The following SLC8A2 variants were observed in gnomAD, a reference collection of about 807,000 sequenced individuals.
SLC8A2 encodes solute carrier family 8 member A2.
Under a neutral mutation model 70.2 loss-of-function variants are expected in SLC8A2, and 14 were observed. The observed-to-expected ratio is 0.20, with a 90% confidence interval of 0.13 to 0.31. The LOEUF (loss-of-function observed/expected upper bound fraction) is 0.31, where lower values mean the gene tolerates loss of function less well. Ranked by LOEUF, SLC8A2 falls within the 10% of genes least tolerant of loss-of-function variation. SLC8A2 has a pLI of 1.00. For missense variants in SLC8A2, 779 were observed against 1,320.1 expected (o/e 0.59, Z 6.35); for synonymous variants, 575 against 594.3 (o/e 0.97, Z 0.47).
At chr19:47,467,994 A>G (rs2122655849) in intron 1 of SLC8A2, among the ~76,000 whole-genome samples, 1 of 152,140 alleles carries the variant, frequency 6.6e-6, no homozygotes, top group Middle Eastern at 3.4e-3. Context: ...CGACAAAACC[A>G]GACTCTGCCT....
At chr19:47,458,829 T>TCC (rs1455977179) in intron 2 of SLC8A2, among the ~76,000 whole-genome samples, 1 of 150,506 alleles carries the variant, frequency 6.6e-6, no homozygotes, top group Non-Finnish European at 1.5e-5. Context: ...TTTCTCTCTC[T>TCC]CCTTTCCCTT....
intron 1 of SLC8A2, among the ~76,000 whole-genome samples, chr19:47,470,713 T>C (rs1967525497): frequency 6.6e-6 from 1 of 152,206 alleles, no homozygotes; most frequent in African/African-American, 2.4e-5. Flanking sequence ...CTGGTCCAGT[T>C]ACACGAGGAA....
chr19:47,437,134 T>C (rs1967039748), intron 8 of SLC8A2, among the ~76,000 whole-genome samples: 1 of 152,158 alleles, frequency 6.6e-6, no homozygotes, highest in Non-Finnish European at 1.5e-5. Context: ...CACCGTTCAT[T>C]CTGTCTCATG....
chr19:47,466,101 C>G lies in SLC8A2; in HGVS notation c.303G>C (p.Thr101=). The change falls in exon 2 of 10, where the codon ACG becomes ACC. Residue 101 remains threonine, a synonymous_variant. Transcript: ENST00000236877. The surrounding 1 kb of genome is among the most constrained non-coding windows in gnomAD (Gnocchi z 6.9). ...TGATGGTGATCTCCTTCTCTTTTGACGTGATGACCTCGATGGCCGCCATGA... is the reference window on the plus strand; with the variant it reads ...TGATGGTGATCTCCTTCTCTTTTGAGGTGATGACCTCGATGGCCGCCATGA... ...DRFMAAIEVI[T]SKEKEITITK... is the part of the protein sequence containing the mutation. 1 of 1,614,212 alleles carries G rather than the reference C, an allele frequency of 6.2e-7. No homozygotes were observed. Among genetic ancestry groups the G allele is most frequent in the Non-Finnish European group, 8.5e-7 (1 of 1,180,038 alleles).
In SLC8A2 at chr19:47,447,799, G is replaced by T; in HGVS notation, c.1763+10C>A. ...CCCGCCCCTCTCCGGGCCGCCTCGGGCGTGCTCACATGGTCTCGTCGTCGC... is the reference window on the plus strand; with the variant it reads ...CCCGCCCCTCTCCGGGCCGCCTCGGTCGTGCTCACATGGTCTCGTCGTCGC... On this transcript the variant is annotated intron_variant, in intron 4 of 9. Coordinates refer to ENST00000236877, the MANE Select transcript of SLC8A2 (RefSeq NM_015063.3). The surrounding 1 kb of genome is among the most constrained non-coding windows in gnomAD (Gnocchi z 5.1). 1.3e-6 allele frequency: 2 copies of T among 1,579,458 alleles called. No homozygotes were observed. Among genetic ancestry groups the T allele is most frequent in the Non-Finnish European group, 1.7e-6 (2 of 1,172,286 alleles).
chr19:47,457,543 C>A lies in SLC8A2; in HGVS notation c.727G>T (p.Ala243Ser). The change falls in exon 3 of 10, where the codon GCC (alanine) becomes TCC (serine). Residue 243 changes from alanine to serine, a missense_variant. Around this residue, in one of 6 missense-constraint regions of SLC8A2, gnomAD observed 155 missense variants for 318.6 expected, o/e 0.49. Coordinates refer to ENST00000236877, the MANE Select transcript of SLC8A2 (RefSeq NM_015063.3). ...LVFFPVCVVF[A>S]WMADKRLLFY... ...AGCAGCCGCTTGTCGGCCATCCAGG[C>A]GAATACCACGCACACCGGGAAGAAG... 1 of 1,599,242 alleles carries A rather than the reference C, an allele frequency of 6.3e-7. No homozygotes were observed. Among genetic ancestry groups the A allele is most frequent in the Non-Finnish European group, 8.5e-7 (1 of 1,173,966 alleles).
intron 3 of SLC8A2, among the ~76,000 whole-genome samples, chr19:47,450,886 T>A (rs996948986): frequency 2.0e-5 from 3 of 152,172 alleles, no homozygotes; most frequent in African/African-American, 7.2e-5. Flanking sequence ...AGAGGCACAG[T>A]TAGCTAGTGA....
At position 47,457,126 on chromosome 19, in the gene SLC8A2, C is replaced by T. The variant is rs1967315678; in HGVS notation, c.1144G>A (p.Ala382Thr). ...TCTTCGTCCTCGCCCGCGCCCTCGG[C>T]CGGCGCCGCCCTGCGCGAGGCGTCC... The part of the protein sequence containing the change: ...AADASRRAAP[A>T]EGAGEDEDDG... Residue 382 changes from alanine (A) to threonine (T), a missense_variant, in exon 3 of 10, where the codon GCC (alanine) becomes ACC (threonine). Coordinates refer to ENST00000236877, the MANE Select transcript of SLC8A2 (RefSeq NM_015063.3). 1 of 1,542,954 alleles carries T rather than the reference C, an allele frequency of 6.5e-7. No individual in the cohort carries two copies. The highest frequency in any genetic ancestry group is 1.2e-5 in the South Asian group (1 of 83,398).
intron 1 of SLC8A2, among the ~76,000 whole-genome samples, chr19:47,470,641 G>A (rs1416139943): frequency 1.3e-5 from 2 of 152,162 alleles, no homozygotes; most frequent in Non-Finnish European, 2.9e-5. Context: ...TTATCAACAA[G>A]AATGAATGAA....
rs1967447384 is a variant in SLC8A2 at position 47,465,629 on chromosome 19, A to C, written c.675+100T>G. 1 of 1,049,110 alleles carries C rather than the reference A, an allele frequency of 9.5e-7. No homozygotes were observed. Among genetic ancestry groups the C allele is most frequent in the Non-Finnish European group, 1.4e-6 (1 of 728,958 alleles). 65.0% of individuals were successfully genotyped at this position (1,049,110 alleles called of 1,614,324 possible). A position where few individuals can be genotyped will look rare whatever the true frequency, so the allele number is the denominator to read the frequency against. ...GCAGCCCTCTCAGATGTGAGTGTGC[A>C]TTTCTGCAAATACAGCAATCAACAC... On this transcript the variant is annotated intron_variant, in intron 2 of 9. Coordinates refer to ENST00000236877, the MANE Select transcript of SLC8A2 (RefSeq NM_015063.3). The surrounding 1 kb of genome is among the most constrained non-coding windows in gnomAD (Gnocchi z 5.5).
At chr19:47,439,247 G>A (rs549791133) in intron 6 of SLC8A2, among the ~76,000 whole-genome samples, 30 of 152,232 alleles carry the variant, frequency 2.0e-4, no homozygotes, top group African/African-American at 6.7e-4. Context: ...TGCCTGAGAG[G>A]CCAGGTACAG....
intron 2 of SLC8A2, among the ~76,000 whole-genome samples, chr19:47,459,842 TCATC>T (rs1967372121): frequency 6.6e-6 from 1 of 152,166 alleles, no homozygotes. Context: ...CCTAGTCTCT[TCATC>T]CATCTATCCA....
At chr19:47,451,077 C>T (rs188014409) in intron 3 of SLC8A2, among the ~76,000 whole-genome samples, 3 of 141,886 alleles carry the variant, frequency 2.1e-5, no homozygotes, top group African/African-American at 7.9e-5. Context: ...GGCACGATCT[C>T]AGCTCACTGC....
chr19:47,441,571 A>G (rs1967100390), intron 4 of SLC8A2, 131 bp from the exon 5 acceptor site: 3 of 610,562 alleles, frequency 4.9e-6, no homozygotes, highest in Non-Finnish European at 8.8e-6. Context: ...AATCTCATTT[A>G]CTTCTCACCA....
intron 9 of SLC8A2, among the ~76,000 whole-genome samples, chr19:47,431,704 G>A (rs1236507125): frequency 2.8e-5 from 4 of 144,838 alleles, no homozygotes; most frequent in Non-Finnish European, 4.5e-5. Context: ...AACCAACTTT[G>A]AGGTTCACTG....
Position 47,437,996 on chromosome 19 carries a change from T to A in SLC8A2, c.1886-23A>T, listed in dbSNP as rs369316014. ...CCCCTGCAGCATGAGGGGTGGGGGT[T>A]AGACTCCTGGGAGACCTACCTAATT... On this transcript the variant is annotated intron_variant, in intron 6 of 9. Transcript: ENST00000236877. The A allele has an allele frequency of 1.7e-5, 28 of 1,613,796 alleles. No individual in the cohort carries two copies. The East Asian group carries it at 2.5e-4, about 14-fold the overall frequency.
In SLC8A2 at chr19:47,457,453, C is replaced by G; in HGVS notation, c.817G>C (p.Glu273Gln). The change falls in exon 3 of 10, where the codon GAG (glutamate) becomes CAG (glutamine). Residue 273 changes from glutamate to glutamine, a missense_variant. Transcript: ENST00000236877. ...DPRSGIIIGA[E>Q]GDPPKSIELD... ...TCGATGCTCTTCGGGGGGTCGCCCT[C>G]GGCGCCTATGATGATGCCGCTGCGT... is the stretch of plus-strand genomic sequence containing the variant. The G allele has an allele frequency of 1.2e-6, 2 of 1,607,480 alleles. No homozygotes were observed. Among genetic ancestry groups the G allele is most frequent in the Non-Finnish European group, 1.7e-6 (2 of 1,177,914 alleles).
At chr19:47,444,601 G>C (rs1468604987) in intron 4 of SLC8A2, among the ~76,000 whole-genome samples, 1 of 152,152 alleles carries the variant, frequency 6.6e-6, no homozygotes, top group African/African-American at 2.4e-5. Context: ...CATGCTGACA[G>C]GGTGACACAC....
chr19:47,454,860 T>C (rs905334201), intron 3 of SLC8A2, among the ~76,000 whole-genome samples: 1 of 151,738 alleles, frequency 6.6e-6, no homozygotes, highest in South Asian at 2.1e-4. Context: ...CCGAGGCGGG[T>C]GGATCACCTG....
Sources: gnomAD v4.1 joint callset for allele counts (sites outside exome capture counted in the v4.1 genomes callset) on GRCh38, gnomAD v4.1.1 for gene constraint, gnomAD v4.1.1 regional missense constraint, Gnocchi (gnomAD v3.1) non-coding constraint, MANE v1.5 for transcripts, NCBI Gene and HGNC (gene_info 2026-07-23, HGNC 2026-07-21) for gene names.